KCNMB2: variants seen among roughly 807,000 people sequenced by gnomAD.
The protein encoded by KCNMB2 is calcium-activated potassium channel subunit beta-2.
Under a neutral mutation model 24.5 loss-of-function variants are expected in KCNMB2, and 9 were observed. The observed-to-expected ratio is 0.37, with a 90% CI of 0.22 to 0.64. The LOEUF (loss-of-function observed/expected upper bound fraction) is 0.64, where lower values mean the gene tolerates loss of function less well. Ranked by LOEUF, KCNMB2 falls within the 30% of genes least tolerant of loss-of-function variation. The pLI, the probability that KCNMB2 is intolerant of heterozygous loss-of-function variation, is 0.63. For synonymous variants in KCNMB2, 109 were observed against 104.4 expected (o/e 1.04, Z -0.27); for missense variants, 226 against 284.3 (o/e 0.79, Z 1.47).
intron 1 of KCNMB2, among the ~76,000 whole-genome samples, chr3:178,730,324 A>G (rs1723102621): frequency 6.6e-6 from 1 of 152,108 alleles, no homozygotes; most frequent in Non-Finnish European, 1.5e-5. Flanking sequence ...TTGCATGTAT[A>G]AAGTCAGAAG....
At chr3:178,777,445 A>C (rs2108427528) in intron 1 of KCNMB2, among the ~76,000 whole-genome samples, 1 of 152,306 alleles carries the variant, frequency 6.6e-6, no homozygotes, top group East Asian at 1.9e-4. Flanking sequence ...AAAACAAAAA[A>C]GTCAGAAATG....
intron 1 of KCNMB2, among the ~76,000 whole-genome samples, chr3:178,614,247 T>TTATATATACATATATA (rs1718600954): frequency 5.6e-5 from 3 of 53,466 alleles, no homozygotes; most frequent in Non-Finnish European, 1.1e-4. Context: ...TGGGCTAATT[T>TTATATATACATATATA]TATATATATA....
At chr3:178,805,503 TC>T (rs768647137) in intron 1 of KCNMB2, among the ~76,000 whole-genome samples, 15 of 152,224 alleles carry the variant, frequency 9.9e-5, no homozygotes, top group Non-Finnish European at 1.9e-4. Context: ...CATGCTCTGA[TC>T]CTTTGCTGCT....
intron 1 of KCNMB2, among the ~76,000 whole-genome samples, chr3:178,728,477 A>G (rs1240264839): frequency 1.3e-5 from 2 of 152,164 alleles, no homozygotes; most frequent in African/African-American, 2.4e-5. Context: ...CCGTGACACA[A>G]ACAGACAGAT....
At chr3:178,573,951 G>A (rs1047384680) in intron 1 of KCNMB2, among the ~76,000 whole-genome samples, 10 of 152,032 alleles carry the variant, frequency 6.6e-5, no homozygotes, top group East Asian at 5.8e-4. Flanking sequence ...AATTTCCCAC[G>A]TAGAGGAAAT....
At chr3:178,768,605 AG>A (rs1217361815) in intron 1 of KCNMB2, among the ~76,000 whole-genome samples, 1 of 152,190 alleles carries the variant, frequency 6.6e-6, no homozygotes, top group Non-Finnish European at 1.5e-5. Context: ...CAGAATGAAA[AG>A]CACTGCAGGA....
intron 1 of KCNMB2, among the ~76,000 whole-genome samples, chr3:178,648,578 A>C (rs1268773046): frequency 6.6e-6 from 1 of 152,184 alleles, no homozygotes; most frequent in Non-Finnish European, 1.5e-5. Flanking sequence ...AACATAAAAA[A>C]TAAGTCATTT....
At chr3:178,681,060 C>A (rs1721255128) in intron 1 of KCNMB2, among the ~76,000 whole-genome samples, 1 of 152,168 alleles carries the variant, frequency 6.6e-6, no homozygotes, top group Admixed American at 6.6e-5. Flanking sequence ...CTTGCTAGAG[C>A]AGTGATTCCT....
chr3:178,730,569 T>C (rs1295712419), intron 1 of KCNMB2, among the ~76,000 whole-genome samples: 1 of 152,084 alleles, frequency 6.6e-6, no homozygotes, highest in Non-Finnish European at 1.5e-5. Flanking sequence ...TCTAATCAAA[T>C]CTTCTCCTAC....
At chr3:178,700,670 T>C (rs1288470016) in intron 1 of KCNMB2, among the ~76,000 whole-genome samples, 1 of 152,206 alleles carries the variant, frequency 6.6e-6, no homozygotes, top group Non-Finnish European at 1.5e-5. Flanking sequence ...TTTGAGAAGA[T>C]ATTTGCAACA....
intron 2 of KCNMB2, among the ~76,000 whole-genome samples, chr3:178,821,928 A>G (rs1259876803): frequency 6.6e-6 from 1 of 152,102 alleles, no homozygotes; most frequent in Non-Finnish European, 1.5e-5. Flanking sequence ...CCAACACTAC[A>G]GTAACAATCC....
In KCNMB2 at chr3:178,802,730, G is replaced by A. The variant is rs564860401; in HGVS notation, c.-67-4613G>A. ...TAAAATTCTTCCAGATAATTCTAAT[G>A]TGTGACCAGCATTCAGAGGCACTAT... On this transcript the variant is annotated intron_variant, in intron 1 of 4. Coordinates refer to ENST00000452583, the MANE Select transcript of KCNMB2 (RefSeq NM_181361.3). Among the ~76,000 whole-genome samples the A allele has an allele frequency of 5.9e-5, 9 of 152,234 alleles. No homozygotes were observed. In the East Asian group the frequency reaches 1.7e-3, roughly 29 times the overall value.
intron 1 of KCNMB2, among the ~76,000 whole-genome samples, chr3:178,614,183 T>C (rs1451223089): frequency 1.4e-5 from 2 of 140,060 alleles, no homozygotes; most frequent in African/African-American, 5.2e-5. Context: ...TTTGTTAAAT[T>C]TATCTTATAG....
At chr3:178,841,654 A>G (rs1307169150) in intron 4 of KCNMB2, 1 of 152,198 alleles carries the variant, frequency 6.6e-6, no homozygotes, top group Non-Finnish European at 1.5e-5. Context: ...AACATGAGAG[A>G]AGAACTGTCA....
chr3:178,640,744 G>A (rs2108548297), intron 1 of KCNMB2, among the ~76,000 whole-genome samples: 1 of 152,188 alleles, frequency 6.6e-6, no homozygotes, highest in Non-Finnish European at 1.5e-5. Context: ...TTGTGCTTTG[G>A]GGGTTGTACT....
chr3:178,556,553 T>C (rs1716129289), intron 1 of KCNMB2, among the ~76,000 whole-genome samples: 1 of 152,046 alleles, frequency 6.6e-6, no homozygotes, highest in African/African-American at 2.4e-5. Flanking sequence ...TACAGGCGCC[T>C]GCCACCACGC....
intron 2 of KCNMB2, among the ~76,000 whole-genome samples, chr3:178,809,340 A>G (rs534675833): frequency 2.3e-4 from 35 of 152,316 alleles, no homozygotes; most frequent in African/African-American, 8.2e-4. Flanking sequence ...AAATAATTTA[A>G]TATATTTTGC....
At chr3:178,636,298 T>C (rs897056846) in intron 1 of KCNMB2, among the ~76,000 whole-genome samples, 10 of 152,194 alleles carry the variant, frequency 6.6e-5, no homozygotes, top group African/African-American at 2.2e-4. Flanking sequence ...TATAATGCAG[T>C]GTATACTGCT....
intron 1 of KCNMB2, among the ~76,000 whole-genome samples, chr3:178,547,540 ATG>A (rs1319905566): frequency 1.3e-5 from 2 of 152,168 alleles, no homozygotes; most frequent in Admixed American, 6.5e-5. Flanking sequence ...TATTTCATAT[ATG>A]TGTGTGTATG....
Sources: gnomAD v4.1 joint callset for allele counts (sites outside exome capture counted in the v4.1 genomes callset) on GRCh38, gnomAD v4.1.1 for gene constraint, MANE v1.5 for transcripts, NCBI Gene and HGNC (gene_info 2026-07-23, HGNC 2026-07-21) for gene names.